Variants in KBTBD4 observed in about 807,000 individuals in gnomAD.
The protein encoded by KBTBD4 is kelch repeat and BTB domain containing 4.
A neutral mutation model predicts 43.9 loss-of-function variants in KBTBD4; 30 were observed. That is an observed-to-expected ratio of 0.68 (90% CI 0.51 to 0.93). The LOEUF (loss-of-function observed/expected upper bound fraction) is 0.93, where lower values mean the gene tolerates loss of function less well. Among genes scored for constraint, KBTBD4 ranks in the 40% least tolerant of loss-of-function variants. The probability of loss-of-function intolerance (pLI) is 0.00; values close to 1 mark genes in which losing one functional copy is unlikely to be tolerated. For synonymous variants in KBTBD4, 258 were observed against 256.9 expected (o/e 1.00, Z -0.04); for missense variants, 575 against 668.8 (o/e 0.86, Z 1.55).
rs1221356254 is a variant in KBTBD4, at chr11:47,577,892, T to C, written c.156A>G (p.Lys52=). ...HSGRVAQGIM[K]LCLEEELFAD... ...CAAAGAGCTCCTCCTCTAGACACAG[T>C]TTCATGATGCCTTGAGCCACACGGC... is the stretch of plus-strand genomic sequence containing the variant. The change falls in exon 2 of 4, where the codon AAA becomes AAG. Residue 52 remains lysine, a synonymous_variant. Transcript: ENST00000430070. 6.2e-7 allele frequency: 1 copy of C among 1,614,012 alleles called. No individual in the cohort carries two copies. Among genetic ancestry groups the C allele is most frequent in the Non-Finnish European group, 8.5e-7 (1 of 1,180,034 alleles).
chr11:47,575,583 T>C lies in KBTBD4; in HGVS notation c.744+10A>G, dbSNP rs374462454. ...GTATGCAGTCTCAACAATTAAGAGATTTGCCTTACCTTCAAGCTTGTCCTG... is the reference window on the plus strand; with the variant it reads ...GTATGCAGTCTCAACAATTAAGAGACTTGCCTTACCTTCAAGCTTGTCCTG... On this transcript the variant is annotated intron_variant, in intron 3 of 3. Transcript: ENST00000430070. 1.9e-6 allele frequency: 3 copies of C among 1,562,156 alleles called. No individual in the cohort carries two copies. In the African/African-American group the frequency reaches 4.1e-5, roughly 21 times the overall value.
Position 47,572,720 on chromosome 11 carries a change from G to C in KBTBD4, c.*210C>G. ...ATGACTAGGGAATGGCAGAGAACAG[G>C]CTGGCCTACTGTCAGTTCAAGCAAC... On this transcript the variant is annotated 3_prime_UTR_variant, in exon 4 of 4. Transcript: ENST00000430070. 1.7e-6 allele frequency: 1 copy of C among 590,642 alleles called. No homozygotes were observed. The highest frequency in any genetic ancestry group is 3.0e-6 in the Non-Finnish European group (1 of 335,412). The allele number at this position is 590,642 out of a possible 1,614,324, so 36.6% of individuals were successfully genotyped here. A position where few individuals can be genotyped will look rare whatever the true frequency, so the allele number is the denominator to read the frequency against.
chr11:47,574,446 G>A (rs1217679955), intron 3 of KBTBD4, among the ~76,000 whole-genome samples: 2 of 152,234 alleles, frequency 1.3e-5, no homozygotes, highest in Admixed American at 1.3e-4. Flanking sequence ...GCAGTGAGCT[G>A]AGATCATGCC....
intron 3 of KBTBD4, 160 bp downstream of exon 3, chr11:47,575,433 G>A (rs2097257277): frequency 5.7e-6 from 3 of 527,668 alleles, no homozygotes; most frequent in African/African-American, 2.0e-5. Flanking sequence ...TGTGAACCCG[G>A]GAGGCGGAGC....
At position 47,573,224 on chromosome 11, in the gene KBTBD4, G is replaced by C; in HGVS notation, c.1311C>G (p.Gly437=). The C allele has an allele frequency of 6.2e-7, 1 of 1,614,140 alleles. No individual in the cohort carries two copies. Among genetic ancestry groups the C allele is most frequent in the Non-Finnish European group, 8.5e-7 (1 of 1,180,038 alleles). ...CTTTATGCACAGCTGCGTGCATGCG[G>C]CCTGCAAAGGGCAGCACATAGGGCT... ...HVKPYVLPFA[G]RMHAAVHKDL... is the part of the protein sequence containing the mutation. Residue 437 remains glycine, a synonymous_variant, in exon 4 of 4, where the codon GGC becomes GGG. Transcript: ENST00000430070. The surrounding 1 kb of genome is among the most constrained non-coding windows in gnomAD (Gnocchi z 4.1).
chr11:47,575,230 C>T (rs2097256871), intron 3 of KBTBD4, among the ~76,000 whole-genome samples: 2 of 150,346 alleles, frequency 1.3e-5, no homozygotes, highest in Non-Finnish European at 3.0e-5. Flanking sequence ...AAAAAAAGGC[C>T]GGGCGCGGGG....
chr11:47,577,653 T>C lies in KBTBD4; in HGVS notation c.395A>G (p.Gln132Arg), dbSNP rs2153794575. 1 of 1,614,182 alleles carries C rather than the reference T, an allele frequency of 6.2e-7. No individual in the cohort carries two copies. Among genetic ancestry groups the C allele is most frequent in the Non-Finnish European group, 8.5e-7 (1 of 1,180,024 alleles). ...GTVKLRAEELQEIYEVSDMYQ... is the reference protein window; with the variant it reads ...GTVKLRAEELREIYEVSDMYQ... ...CATGTCTGACACCTCATAAATTTCCTGCAACTCCTCAGCTCGAAGTTTCAC... is the reference window on the plus strand; with the variant it reads ...CATGTCTGACACCTCATAAATTTCCCGCAACTCCTCAGCTCGAAGTTTCAC... Residue 132 changes from glutamine (Q) to arginine (R), a missense_variant, in exon 2 of 4, where the codon CAG (glutamine) becomes CGG (arginine). Transcript: ENST00000430070.
chr11:47,577,664 A>T lies in KBTBD4; in HGVS notation c.384T>A (p.Ala128=), dbSNP rs761525722. ...YIYHGTVKLR[A]EELQEIYEVS... is the part of the protein sequence containing the mutation. ...CCTCATAAATTTCCTGCAACTCCTC[A>T]GCTCGAAGTTTCACAGTCCCATGGT... is the stretch of plus-strand genomic sequence containing the variant. The change falls in exon 2 of 4, where the codon GCT becomes GCA. Residue 128 remains alanine, a synonymous_variant. Coordinates refer to ENST00000430070, the MANE Select transcript of KBTBD4 (RefSeq NM_018095.6). 1 of 1,614,186 alleles carries T rather than the reference A, an allele frequency of 6.2e-7. No homozygotes were observed. The highest frequency in any genetic ancestry group is 1.1e-5 in the South Asian group (1 of 91,084).
Position 47,573,118 on chromosome 11 carries a change from G to A in KBTBD4, c.1417C>T (p.Pro473Ser). 3.1e-6 allele frequency: 5 copies of A among 1,614,216 alleles called. No homozygotes were observed. The highest frequency in any genetic ancestry group is 4.2e-6 in the Non-Finnish European group (5 of 1,180,032). The change falls in exon 4 of 4, where the codon CCT (proline) becomes TCT (serine). Residue 473 changes from proline to serine, a missense_variant. Transcript: ENST00000430070. This position sits in a 1 kb window ranked among gnomAD's most constrained non-coding sequence, Gnocchi z 4.1. ...GATGGGGCAGAGCTCCAGGCCTCAG[G>A]AAGGCAAAGCCGGGTGAAGCTGTCT... Reference protein sequence around the residue: ...LLDSFTRLCLPEAWSSAPSLW... With the variant: ...LLDSFTRLCLSEAWSSAPSLW...
At position 47,573,192 on chromosome 11, in the gene KBTBD4, A is replaced by G; in HGVS notation, c.1343T>C (p.Val448Ala). 1 of 1,614,168 alleles carries G rather than the reference A, an allele frequency of 6.2e-7. No individual in the cohort carries two copies. Among genetic ancestry groups the G allele is most frequent in the Admixed American group, 1.7e-5 (1 of 60,018 alleles). The change falls in exon 4 of 4, where the codon GTG becomes GCG. Residue 448 changes from valine (V) to alanine (A), a missense_variant. Transcript: ENST00000430070. The surrounding 1 kb of genome is among the most constrained non-coding windows in gnomAD (Gnocchi z 4.1). ...GGAGTCCCCTTCAGCCACGATGAAC[A>G]CCAGATCTTTATGCACAGCTGCGTG... is the stretch of plus-strand genomic sequence containing the variant. ...RMHAAVHKDL[V>A]FIVAEGDSLV...
chr11:47,577,482 T>G lies in KBTBD4; in HGVS notation c.566A>C (p.His189Pro). ...YTAAKHCAKTHLAQLQNTEEF... is the reference protein window; with the variant it reads ...YTAAKHCAKTPLAQLQNTEEF... ...CTCTGTATTCTGCAGCTGGGCCAGG[T>G]GGGTCTTGGCACAGTGCTTGGCAGC... Residue 189 changes from histidine to proline, a missense_variant, in exon 2 of 4, where the codon CAC (histidine) becomes CCC (proline). By Grantham distance (77) the His-to-Pro change is moderately conservative. Transcript: ENST00000430070. 6.2e-7 allele frequency: 1 copy of G among 1,613,662 alleles called. No individual in the cohort carries two copies. The highest frequency in any genetic ancestry group is 8.5e-7 in the Non-Finnish European group (1 of 1,179,700).
At chr11:47,578,108 G>A (rs778499364) in intron 1 of KBTBD4, 80 bp from the exon 2 acceptor site, 16 of 1,525,944 alleles carry the variant, frequency 1.0e-5, no homozygotes, top group Admixed American at 1.9e-5. Flanking sequence ...CTCAGGGAGG[G>A]AAAAGGAAGA....
At position 47,573,258 on chromosome 11, in the gene KBTBD4, C is replaced by T; in HGVS notation, c.1277G>A (p.Cys426Tyr). 1 of 1,614,128 alleles carries T rather than the reference C, an allele frequency of 6.2e-7. No homozygotes were observed. The highest frequency in any genetic ancestry group is 8.5e-7 in the Non-Finnish European group (1 of 1,180,030). The change falls in exon 4 of 4, where the codon TGC becomes TAC. Residue 426 changes from cysteine (C) to tyrosine (Y), a missense_variant. Cys to Tyr is a radical substitution (Grantham distance 194). Coordinates refer to ENST00000430070, the MANE Select transcript of KBTBD4 (RefSeq NM_018095.6). The surrounding 1 kb of genome is among the most constrained non-coding windows in gnomAD (Gnocchi z 4.1). ...IQCFDTETDK[C>Y]HVKPYVLPFA... ...GGGCAGCACATAGGGCTTCACATGGCATTTGTCTGTCTCTGTGTCAAAGCA... is the reference window on the plus strand; with the variant it reads ...GGGCAGCACATAGGGCTTCACATGGTATTTGTCTGTCTCTGTGTCAAAGCA...
rs1434739830 is a variant in KBTBD4 at position 47,577,984 on chromosome 11, C to T, written c.64G>A (p.Glu22Lys). The T allele has an allele frequency of 3.1e-6, 5 of 1,614,080 alleles. No homozygotes were observed. Among genetic ancestry groups the T allele is most frequent in the Non-Finnish European group, 3.4e-6 (4 of 1,180,032 alleles). The change falls in exon 2 of 4, where the codon GAG becomes AAG. Residue 22 changes from glutamate to lysine, a missense_variant. Physicochemically the swap from Glu to Lys is moderately conservative, Grantham distance 56 (BLOSUM62 1). Coordinates refer to ENST00000430070, the MANE Select transcript of KBTBD4 (RefSeq NM_018095.6). Reference protein sequence around the residue: ...EKLASMESPEEPGASMDENYF... With the variant: ...EKLASMESPEKPGASMDENYF... Reference sequence around the variant, plus strand: ...TTCTCATCCATGGATGCTCCAGGCTCCTCTGGTGATTCCATGCTAGCCAAC... The same window carrying T: ...TTCTCATCCATGGATGCTCCAGGCTTCTCTGGTGATTCCATGCTAGCCAAC...
chr11:47,578,144 G>T (rs2097263806), intron 1 of KBTBD4, 116 bp from the exon 2 acceptor site: 2 of 1,208,034 alleles, frequency 1.7e-6, no homozygotes, highest in Admixed American at 2.1e-5. Flanking sequence ...GGTCCAGATT[G>T]GCCTTAGTCC....
intron 2 of KBTBD4, chr11:47,576,576 G>T (rs1047926896): frequency 2.0e-5 from 3 of 151,928 alleles, no homozygotes; most frequent in African/African-American, 7.3e-5. Flanking sequence ...AATCTGAAGA[G>T]AAACCAGAGT....
Position 47,577,764 on chromosome 11 carries a change from T to C in KBTBD4, c.284A>G (p.Lys95Arg). ...CACAATCACCCGGTTGTGGGCCTCC[T>C]TCAGGTTGGAAGTGAACATGGATCG... is the stretch of plus-strand genomic sequence containing the variant. ...FFRSMFTSNL[K>R]EAHNRVIVLQ... Residue 95 changes from lysine (K) to arginine (R), a missense_variant, in exon 2 of 4, where the codon AAG (lysine) becomes AGG (arginine). Transcript: ENST00000430070. 1.2e-6 allele frequency: 2 copies of C among 1,614,136 alleles called. No homozygotes were observed. The highest frequency in any genetic ancestry group is 1.7e-6 in the Non-Finnish European group (2 of 1,180,022).
At chr11:47,576,157 GCTTTT>G (rs2097259017) in intron 2 of KBTBD4, among the ~76,000 whole-genome samples, 1 of 88,238 alleles carries the variant, frequency 1.1e-5, no homozygotes, top group African/African-American at 4.7e-5. Flanking sequence ...GGCGGGTCTT[GCTTTT>G]TTTTTTTTTT....
intron 2 of KBTBD4, chr11:47,576,620 A>C (rs2097260116): frequency 6.6e-6 from 1 of 150,844 alleles, no homozygotes; most frequent in South Asian, 2.1e-4. Context: ...AAAATGGATG[A>C]CTCGATATTT....
Sources: gnomAD v4.1 joint callset for allele counts (sites outside exome capture counted in the v4.1 genomes callset) on GRCh38, gnomAD v4.1.1 for gene constraint, Gnocchi (gnomAD v3.1) non-coding constraint, MANE v1.5 for transcripts, NCBI Gene and HGNC (gene_info 2026-07-23, HGNC 2026-07-21) for gene names.